Variants in HEATR4 observed in about 807,000 individuals in gnomAD.
HEATR4 encodes HEAT repeat containing 4.
Under a neutral mutation model 108.8 loss-of-function variants are expected in HEATR4, and 95 were observed. The observed-to-expected ratio is 0.87, with a 90% CI of 0.74 to 1.04. The LOEUF (loss-of-function observed/expected upper bound fraction) is 1.04. HEATR4 is among the 50% of genes least tolerant of loss of function. The pLI is 0.00. For missense variants in HEATR4, 1,152 were observed against 1,253.8 expected, an observed-to-expected ratio of 0.92 and a Z score of 1.23; for synonymous variants, 443 against 459.4, an observed-to-expected ratio of 0.96 and a Z score of 0.46.
the HEATR4 span, among the ~76,000 whole-genome samples, chr14:73,623,777 C>T: frequency 1.5e-4 from 23 of 152,050 alleles, no homozygotes. Context: ...TTGGTGCAGT[C>T]CTCTCTGTGA....
Position 73,520,879 on chromosome 14 carries a change from T to A in HEATR4, c.1042A>T (p.Asn348Tyr). 6.2e-7 allele frequency: 1 copy of A among 1,614,006 alleles called. No individual in the cohort carries two copies. Among genetic ancestry groups the A allele is most frequent in the South Asian group, 1.1e-5 (1 of 91,066 alleles). ...RAGKFAYSTDNTFEQEIYFDE... is the reference protein window; with the variant it reads ...RAGKFAYSTDYTFEQEIYFDE... ...AAGTAAATCTCCTGTTCAAAGGTGT[T>A]GTCTGTGGAGTAGGCAAACTTTCCA... is the stretch of plus-strand genomic sequence containing the variant. The change falls in exon 4 of 18, where the codon AAC (asparagine) becomes TAC (tyrosine). Residue 348 changes from asparagine to tyrosine, a missense_variant. Asn to Tyr is a moderately radical substitution (Grantham distance 143). Transcript: ENST00000553558.
the HEATR4 span, chr14:73,593,698 C>A: frequency 1.3e-6 from 2 of 1,599,896 alleles, no homozygotes; most frequent in East Asian, 2.2e-5. Context: ...ATTTTGTTCT[C>A]TAGGACCTGG....
In HEATR4 at chr14:73,498,215, TC is replaced by T. The variant is rs767189046; in HGVS notation, c.2485del (p.Asp829ThrfsTer8). On this transcript the variant is annotated frameshift_variant, in exon 14 of 18. Coordinates refer to ENST00000553558, the MANE Select transcript of HEATR4 (RefSeq NM_001220484.1). LOFTEE classifies it high-confidence loss of function. Reference sequence around the variant, plus strand: ...GTCTAGGAAGGTGTCCCTGACCCGGTCCCCTTGAAGTTTCAGGGCTAGGATG... The same window carrying T: ...GTCTAGGAAGGTGTCCCTGACCCGGTCCCTTGAAGTTTCAGGGCTAGGATG... ...RSILALKLQG[D>X]RVRDTFLDVL... 1.1e-5 allele frequency: 17 copies of T among 1,614,080 alleles called. No homozygotes were observed. The highest frequency in any genetic ancestry group is 1.4e-5 in the Non-Finnish European group (17 of 1,179,986).
At chr14:73,580,248 C>A in the HEATR4 span, among the ~76,000 whole-genome samples, 9 of 152,124 alleles carry the variant, frequency 5.9e-5, no homozygotes, top group Non-Finnish European at 8.8e-5. Flanking sequence ...CCCACTTCAG[C>A]CTCCTGAGTA....
intron 2 of HEATR4, among the ~76,000 whole-genome samples, chr14:73,525,093 G>A (rs527568091): frequency 1.3e-5 from 2 of 151,984 alleles, no homozygotes; most frequent in Admixed American, 6.6e-5. Context: ...GCACTGGCAC[G>A]ATCATAGCTC....
intron 12 of HEATR4, among the ~76,000 whole-genome samples, chr14:73,499,986 T>G (rs1886339230): frequency 6.6e-6 from 1 of 152,142 alleles, no homozygotes; most frequent in African/African-American, 2.4e-5. Context: ...TCCCAGCACT[T>G]TGGGAGGCCG....
At chr14:73,623,264 C>G in the HEATR4 span, among the ~76,000 whole-genome samples, 1 of 152,172 alleles carries the variant, frequency 6.6e-6, no homozygotes, top group Non-Finnish European at 1.5e-5. Context: ...AAATTTACAA[C>G]TTTCATAAAA....
chr14:73,567,165 G>A, the HEATR4 span, among the ~76,000 whole-genome samples: 7 of 152,088 alleles, frequency 4.6e-5, no homozygotes, highest in African/African-American at 1.7e-4. Flanking sequence ...CGAAACTCCT[G>A]GCCTTAAGCA....
At chr14:73,533,418 C>A (rs1309944248) in intron 1 of HEATR4, among the ~76,000 whole-genome samples, 1 of 115,790 alleles carries the variant, frequency 8.6e-6, no homozygotes, top group African/African-American at 2.8e-5. Context: ...GTGGCTCAGG[C>A]CTGTAATCCC....
chr14:73,531,262 A>C (rs1294126533), intron 1 of HEATR4: 4 of 110,602 alleles, frequency 3.6e-5, no homozygotes, highest in African/African-American at 1.2e-4. Flanking sequence ...CAAGCAACCA[A>C]CTCTTTAGAA....
intron 7 of HEATR4, among the ~76,000 whole-genome samples, chr14:73,510,114 G>C (rs1887147709): frequency 6.6e-6 from 1 of 151,576 alleles, no homozygotes; most frequent in South Asian, 2.1e-4. Flanking sequence ...ACCTGCCTCA[G>C]CCTCCCAAAG....
chr14:73,610,505 G>A, the HEATR4 span, among the ~76,000 whole-genome samples: 1 of 152,022 alleles, frequency 6.6e-6, no homozygotes, highest in Non-Finnish European at 1.5e-5. Context: ...TGGCCAGGCT[G>A]GTCTCAAACT....
In HEATR4 at chr14:73,536,605, T is replaced by C. The variant is rs2140309699; in HGVS notation, c.-151-6361A>G. Among the ~76,000 whole-genome samples the C allele has an allele frequency of 2.8e-5, 3 of 108,334 alleles. 1 individual carries two copies. The South Asian group carries it at 8.9e-4, about 32-fold the overall frequency. The allele number at this position is 108,334 out of a possible 152,430, so 71.1% of individuals were successfully genotyped here. On this transcript the variant is annotated intron_variant, in intron 1 of 17. Transcript: ENST00000553558. Reference sequence around the variant, plus strand: ...GAAACCAGTATAAGAAAATAATAACTATTGGCCGGGCGCGGTGGCTCATCG... The same window carrying C: ...GAAACCAGTATAAGAAAATAATAACCATTGGCCGGGCGCGGTGGCTCATCG...
chr14:73,588,360 C>T, the HEATR4 span, among the ~76,000 whole-genome samples: 5 of 152,042 alleles, frequency 3.3e-5, no homozygotes, highest in South Asian at 4.1e-4. Context: ...CCATCAGTAC[C>T]GTCATGTGAA....
rs377384528 is a variant in HEATR4, at chr14:73,478,882, G to C, written c.2845-40C>G. 35 of 1,481,070 alleles carry C rather than the reference G, an allele frequency of 2.4e-5. No homozygotes were observed. In the African/African-American group the frequency reaches 4.4e-4, roughly 18 times the overall value. 91.7% of individuals were successfully genotyped at this position (1,481,070 alleles called of 1,614,324 possible). On this transcript the variant is annotated intron_variant, in intron 17 of 17. Coordinates refer to ENST00000553558, the MANE Select transcript of HEATR4 (RefSeq NM_001220484.1). ...GAAAACATGAGTGCATATGCCAAAC[G>C]TGTCTCATGTGAGCGGCAGAGCCCA...
the HEATR4 span, chr14:73,612,844 G>A: frequency 1.4e-6 from 2 of 1,425,144 alleles, no homozygotes; most frequent in South Asian, 2.7e-5. Flanking sequence ...AAGCCTTGGT[G>A]CGGCTGGTGA....
At chr14:73,496,883 T>G (rs1886137040) in intron 14 of HEATR4, among the ~76,000 whole-genome samples, 1 of 152,080 alleles carries the variant, frequency 6.6e-6, no homozygotes, top group African/African-American at 2.4e-5. Flanking sequence ...TATTTGTGGG[T>G]TTTTTGTTTA....
the HEATR4 span, among the ~76,000 whole-genome samples, chr14:73,630,388 C>T: frequency 6.6e-6 from 1 of 152,344 alleles, no homozygotes; most frequent in East Asian, 1.9e-4. Flanking sequence ...TTCTGCTGGC[C>T]TGCCTGTTGC....
At chr14:73,560,917 A>T (rs890905841), upstream of HEATR4, among the ~76,000 whole-genome samples, 1 of 152,044 alleles carries the variant, frequency 6.6e-6, no homozygotes, top group African/African-American at 2.4e-5. Context: ...AAAAGAATTG[A>T]AAGCAGGGAC....
Sources: gnomAD v4.1 joint callset for allele counts (sites outside exome capture counted in the v4.1 genomes callset) on GRCh38, gnomAD v4.1.1 for gene constraint, MANE v1.5 for transcripts, NCBI Gene and HGNC (gene_info 2026-07-23, HGNC 2026-07-21) for gene names.